CCDC192: variants seen among roughly 807,000 people sequenced by gnomAD.
The protein encoded by CCDC192 is coiled-coil domain containing 192.
intron 2 of CCDC192, among the ~76,000 whole-genome samples, chr5:127,739,305 G>A (rs1453225338): frequency 2.6e-5 from 4 of 152,294 alleles, no homozygotes; most frequent in East Asian, 1.9e-4. Context: ...CTCCAGCTGG[G>A]TGCTGGGAGA....
At chr5:127,838,332 AAT>A (rs1750126315) in intron 5 of CCDC192, among the ~76,000 whole-genome samples, 1 of 152,226 alleles carries the variant, frequency 6.6e-6, no homozygotes, top group Admixed American at 6.5e-5. Flanking sequence ...AAGAGTTCTA[AAT>A]TGTTCAACTG....
At chr5:127,723,957 A>G (rs1414174439) in intron 2 of CCDC192, among the ~76,000 whole-genome samples, 1 of 152,206 alleles carries the variant, frequency 6.6e-6, no homozygotes, top group Non-Finnish European at 1.5e-5. Context: ...AAATATTTCA[A>G]TCAATGTGGT....
At chr5:127,760,760 C>T (rs1165302399) in intron 3 of CCDC192, among the ~76,000 whole-genome samples, 1 of 149,070 alleles carries the variant, frequency 6.7e-6, no homozygotes, top group Admixed American at 6.7e-5. Context: ...TAATAATGCT[C>T]CAAGAGCCCC....
chr5:127,779,020 C>T (rs1419193167), intron 3 of CCDC192, among the ~76,000 whole-genome samples: 1 of 152,112 alleles, frequency 6.6e-6, no homozygotes, highest in Non-Finnish European at 1.5e-5. Context: ...TTCTTAGCAA[C>T]ATAGCTAAAT....
intron 5 of CCDC192, among the ~76,000 whole-genome samples, chr5:127,811,418 G>A (rs1056157060): frequency 6.6e-6 from 1 of 152,126 alleles, no homozygotes; most frequent in Non-Finnish European, 1.5e-5. Flanking sequence ...GGAAGTTAAT[G>A]TTTTAAGGCT....
chr5:127,830,229 A>G (rs1213159679), intron 5 of CCDC192, among the ~76,000 whole-genome samples: 1 of 151,980 alleles, frequency 6.6e-6, no homozygotes, highest in Admixed American at 6.6e-5. Context: ...TTTAGTCAAG[A>G]GTTTGGTAGA....
At chr5:127,720,602 A>T (rs1048573771) in intron 2 of CCDC192, among the ~76,000 whole-genome samples, 4 of 152,194 alleles carry the variant, frequency 2.6e-5, no homozygotes, top group Non-Finnish European at 5.9e-5. Context: ...GGGACTCTGT[A>T]TGTAGGCTCC....
At chr5:127,824,730 G>T (rs188424446) in intron 5 of CCDC192, among the ~76,000 whole-genome samples, 1 of 152,240 alleles carries the variant, frequency 6.6e-6, no homozygotes, top group East Asian at 1.9e-4. Flanking sequence ...GGCTGTGTAG[G>T]ATGTAGGATC....
chr5:127,745,492 T>A (rs544192129), intron 2 of CCDC192, among the ~76,000 whole-genome samples: 6 of 152,338 alleles, frequency 3.9e-5, no homozygotes, highest in South Asian at 4.1e-4. Context: ...TTTACTGTAA[T>A]CAAAGAGTTT....
At chr5:127,939,842 T>C (rs1207941282) in intron 6 of CCDC192, among the ~76,000 whole-genome samples, 1 of 152,242 alleles carries the variant, frequency 6.6e-6, no homozygotes, top group Non-Finnish European at 1.5e-5. Context: ...ACTGGGAATC[T>C]CATAAATGTG....
intron 3 of CCDC192, among the ~76,000 whole-genome samples, chr5:127,763,845 C>T (rs999897555): frequency 1.3e-5 from 2 of 152,174 alleles, no homozygotes; most frequent in Admixed American, 1.3e-4. Context: ...TTCTCTACTT[C>T]CTCTTATCGC....
intron 5 of CCDC192, among the ~76,000 whole-genome samples, chr5:127,807,334 CT>C (rs1404789337): frequency 3.9e-5 from 6 of 152,080 alleles, no homozygotes; most frequent in Non-Finnish European, 8.8e-5. Flanking sequence ...GACAAAATTG[CT>C]TTCTGAAGAG....
At chr5:127,749,025 C>T (rs1383361328) in intron 2 of CCDC192, among the ~76,000 whole-genome samples, 3 of 152,074 alleles carry the variant, frequency 2.0e-5, no homozygotes, top group Non-Finnish European at 4.4e-5. Context: ...CAATGGGGTT[C>T]TCTAGATATA....
chr5:127,841,345 C>T (rs1041196376), intron 5 of CCDC192, among the ~76,000 whole-genome samples: 2 of 152,142 alleles, frequency 1.3e-5, no homozygotes, highest in Admixed American at 1.3e-4. Flanking sequence ...ATTACTTTCT[C>T]TCAGGGGAAA....
intron 5 of CCDC192, among the ~76,000 whole-genome samples, chr5:127,841,201 T>C (rs570691449): frequency 6.6e-6 from 1 of 152,198 alleles, no homozygotes; most frequent in African/African-American, 2.4e-5. Flanking sequence ...AGCAACAGTA[T>C]AGTGGAGTCC....
chr5:127,859,822 G>T (rs532551291), intron 5 of CCDC192, among the ~76,000 whole-genome samples: 1 of 152,050 alleles, frequency 6.6e-6, no homozygotes, highest in East Asian at 1.9e-4. Flanking sequence ...GTCTCTTGTC[G>T]GCTATGTCTA....
chr5:127,760,317 T>G (rs1239811687), intron 3 of CCDC192, among the ~76,000 whole-genome samples: 1 of 150,606 alleles, frequency 6.6e-6, no homozygotes, highest in African/African-American at 2.4e-5. Context: ...TCTTTAAAGG[T>G]TTTTTAAGAC....
chr5:127,893,953 A>G (rs1023790086), intron 6 of CCDC192, among the ~76,000 whole-genome samples: 15 of 152,032 alleles, frequency 9.9e-5, no homozygotes, highest in Non-Finnish European at 1.9e-4. Flanking sequence ...AAACTTTGGG[A>G]AAAAAAATCC....
At chr5:127,900,322 C>T (rs2147866) in intron 6 of CCDC192, among the ~76,000 whole-genome samples, 66,883 of 152,060 alleles carry the variant, frequency 0.44, 15,103 homozygotes, top group African/African-American at 0.49. Flanking sequence ...CTCAGATGTA[C>T]ATGGAAAACG....
Sources: allele counts gnomAD v4.1 joint callset (sites outside exome capture counted in the v4.1 genomes callset), GRCh38; gene constraint gnomAD v4.1.1; transcripts MANE v1.5; gene names NCBI Gene and HGNC (gene_info 2026-07-23, HGNC 2026-07-21).